Variants in PCNT observed in about 807,000 individuals in gnomAD.
PCNT encodes kendrin.
A neutral mutation model predicts 380.4 loss-of-function variants in PCNT; 319 were observed. The ratio of observed to expected loss-of-function variants is 0.84; its 90% confidence interval spans 0.77 to 0.92. PCNT has a LOEUF of 0.92. PCNT is among the 40% of genes least tolerant of loss of function. PCNT has a pLI of 0.00. For synonymous variants in PCNT, 1,845 were observed against 1,735.2 expected (o/e 1.06, Z -1.57); for missense variants, 4,400 against 4,255.3 (o/e 1.03, Z -0.95).
intron 3 of PCNT, among the ~76,000 whole-genome samples, chr21:46,338,561 ATCTT>A (rs953373862): frequency 2.0e-5 from 3 of 149,860 alleles, no homozygotes; most frequent in African/African-American, 2.4e-5. Context: ...GGTGAGGGAC[ATCTT>A]TCTTCTAGCT....
Position 46,411,414 on chromosome 21 carries a change from G to A in PCNT, c.5341G>A (p.Gly1781Arg), listed in dbSNP as rs200137805. Residue 1781 changes from glycine (G) to arginine (R), a missense_variant, in exon 28 of 47, where the codon GGG (glycine) becomes AGG (arginine). By Grantham distance (125) the Gly-to-Arg change is moderately radical. Transcript: ENST00000359568. ...LQSELLCSQAGGPRGQALQGE... is the reference protein window; with the variant it reads ...LQSELLCSQARGPRGQALQGE... ...GAGCGAGCTGCTCTGCTCCCAGGCC[G>A]GGGGCCCTCGTGGGCAGGCCCTACA... The A allele has an allele frequency of 1.2e-4, 188 of 1,613,040 alleles. 1 individual carries two copies. The East Asian group carries it at 2.2e-3, about 19-fold the overall frequency.
Position 46,403,994 on chromosome 21 carries a change from C to T in PCNT, c.5115+1511C>T, listed in dbSNP as rs34662339. Among the ~76,000 whole-genome samples, 471 of 111,608 alleles carry T rather than the reference C, an allele frequency of 4.2e-3. 3 individuals carry two copies. Among genetic ancestry groups the T allele is most frequent in the African/African-American group, 9.8e-3 (308 of 31,434 alleles). 73.2% of individuals were successfully genotyped at this position (111,608 alleles called of 152,430 possible). A position where few individuals can be genotyped will look rare whatever the true frequency, so the allele number is the denominator to read the frequency against. On this transcript the variant is annotated intron_variant, in intron 27 of 46. Coordinates refer to ENST00000359568, the MANE Select transcript of PCNT (RefSeq NM_006031.6). ...GTGTGGTGCCCACGCGGCGCGTGCT[C>T]GGTGAATGAACACAGCGTGGGAGAA... is the stretch of plus-strand genomic sequence containing the variant.
Position 46,444,769 on chromosome 21 carries a change from G to C in PCNT, c.9915G>C (p.Glu3305Asp). Reference sequence around the variant, plus strand: ...AAGATCCAGAACATTCCTTGACAGAGTATATTCACCATTTAGAAGTGATCC... The same window carrying C: ...AAGATCCAGAACATTCCTTGACAGACTATATTCACCATTTAGAAGTGATCC... ...ASQDPEHSLT[E>D]YIHHLEVIQQ... The change falls in exon 46 of 47, where the codon GAG becomes GAC. Residue 3305 changes from glutamate to aspartate, a missense_variant. Physicochemically the swap from Glu to Asp is conservative, Grantham distance 45. Coordinates refer to ENST00000359568, the MANE Select transcript of PCNT (RefSeq NM_006031.6). 6.2e-7 allele frequency: 1 copy of C among 1,612,970 alleles called. No individual in the cohort carries two copies. The highest frequency in any genetic ancestry group is 8.5e-7 in the Non-Finnish European group (1 of 1,179,232).
chr21:46,327,317 C>G (rs2083425689), intron 2 of PCNT, among the ~76,000 whole-genome samples: 2 of 152,122 alleles, frequency 1.3e-5, no homozygotes, highest in South Asian at 4.1e-4. Flanking sequence ...CCTCGGCCTC[C>G]CAAAGTGCTG....
rs1237055060 is a variant in PCNT at position 46,346,776 on chromosome 21, C to T, written c.754C>T (p.Leu252=). ...TGGCCTTGAGCTGGAGGCGCTGCGC[C>T]TGAGTCTGAGCAACATGCACACGGC... The part of the protein sequence containing the change: ...VHGLELEALR[L]SLSNMHTAQL... The change falls in exon 5 of 47, where the codon CTG becomes TTG. Residue 252 remains leucine (L), a synonymous_variant. Transcript: ENST00000359568. 1.3e-6 allele frequency: 2 copies of T among 1,598,632 alleles called. No homozygotes were observed. The highest frequency in any genetic ancestry group is 1.3e-5 in the African/African-American group (1 of 74,940).
chr21:46,426,218 G>C (rs1199052054), intron 33 of PCNT, among the ~76,000 whole-genome samples: 8 of 151,834 alleles, frequency 5.3e-5, no homozygotes, highest in African/African-American at 1.9e-4. Flanking sequence ...ATTTTTAGTA[G>C]AGACGGGCTT....
At chr21:46,366,176 C>T (rs534451842) in intron 14 of PCNT, among the ~76,000 whole-genome samples, 1 of 152,234 alleles carries the variant, frequency 6.6e-6, no homozygotes, top group Non-Finnish European at 1.5e-5. Flanking sequence ...GGCAGTGCCC[C>T]TTCCCTGTTG....
intron 15 of PCNT, among the ~76,000 whole-genome samples, chr21:46,375,651 C>T (rs542088375): frequency 3.9e-5 from 6 of 152,260 alleles, no homozygotes; most frequent in South Asian, 4.1e-4. Context: ...CGCTTCTGCT[C>T]GACATTGTGG....
At chr21:46,390,895 T>C in intron 20 of PCNT, 63 bp downstream of exon 20, 8 of 1,539,454 alleles carry the variant, frequency 5.2e-6, no homozygotes, top group Non-Finnish European at 7.1e-6. Flanking sequence ...CTGGCCTCAC[T>C]GAGGGAAGGA....
Position 46,399,806 on chromosome 21 carries a change from C to A in PCNT, c.4791+10C>A. ...GAAAGGGCTGGAACAGGTAAAGCGT[C>A]TCCATGTTGTGGTTGGGCACGTGGT... On this transcript the variant is annotated intron_variant, in intron 25 of 46. Transcript: ENST00000359568. The A allele has an allele frequency of 6.2e-7, 1 of 1,612,864 alleles. No homozygotes were observed. The highest frequency in any genetic ancestry group is 1.1e-5 in the South Asian group (1 of 91,034).
chr21:46,371,170 AAAAG>A (rs1388486840), intron 15 of PCNT, among the ~76,000 whole-genome samples: 15 of 151,760 alleles, frequency 9.9e-5, no homozygotes, highest in Non-Finnish European at 1.8e-4. Flanking sequence ...CTGCAGGAAA[AAAAG>A]AAAGAAATCT....
At chr21:46,398,295 C>T (rs765098469) in intron 24 of PCNT, 40 bp downstream of exon 24, 139 of 1,576,336 alleles carry the variant, frequency 8.8e-5, no homozygotes, top group Admixed American at 1.1e-4. Context: ...CCTGCGCTGG[C>T]GCCCAGGCTC....
intron 1 of PCNT, among the ~76,000 whole-genome samples, chr21:46,325,800 C>T (rs543929153): frequency 6.6e-6 from 1 of 152,312 alleles, no homozygotes; most frequent in Admixed American, 6.5e-5. Context: ...TAGGCTGTGC[C>T]TTCTGATGGG....
chr21:46,416,867 G>A (rs1327849489), intron 30 of PCNT, 28 bp downstream of exon 30: 3 of 1,595,482 alleles, frequency 1.9e-6, no homozygotes, highest in Admixed American at 1.7e-5. Flanking sequence ...TCCCAGGCCT[G>A]CTGTTCCCGT....
At chr21:46,325,174 C>G in intron 1 of PCNT, 1 of 985,756 alleles carries the variant, frequency 1.0e-6, no homozygotes, top group Non-Finnish European at 1.2e-6. Context: ...CCCGAAAGCG[C>G]GAGGCGGAAC....
chr21:46,353,522 A>T (rs2084351703), intron 10 of PCNT, among the ~76,000 whole-genome samples, 196 bp downstream of exon 10: 1 of 151,892 alleles, frequency 6.6e-6, no homozygotes, highest in Non-Finnish European at 1.5e-5. Context: ...TGTGCGAGCC[A>T]TTGGTGGCCA....
In PCNT at chr21:46,385,833, T is replaced by C. The variant is rs1446767101; in HGVS notation, c.3314T>C (p.Leu1105Pro). The C allele has an allele frequency of 3.1e-6, 5 of 1,614,108 alleles. No homozygotes were observed. Among genetic ancestry groups the C allele is most frequent in the Non-Finnish European group, 4.2e-6 (5 of 1,180,030 alleles). ...LQKKNHQVQQ[L>P]KDQVLSLSHE... is the part of the protein sequence containing the mutation. ...AGCTTTAACCATTTTTCTCGATAGC[T>C]GAAAGACCAGGTTTTATCCTTAAGT... Residue 1105 changes from leucine to proline, a missense_variant and splice_region_variant, in exon 17 of 47, where the codon CTG becomes CCG. Coordinates refer to ENST00000359568, the MANE Select transcript of PCNT (RefSeq NM_006031.6).
chr21:46,442,563 C>T lies in PCNT; in HGVS notation c.9690C>T (p.Ala3230=). Residue 3230 remains alanine, a synonymous_variant, in exon 44 of 47, where the codon GCC becomes GCT. Transcript: ENST00000359568. ...DRKGALAQGK[A]PRPGPRARQP... ...AAGGAGCTCTGGCACAAGGCAAAGC[C>T]CCTCGCCCAGGTGGGACTCCAGCTG... 4 of 1,608,016 alleles carry T rather than the reference C, an allele frequency of 2.5e-6. No individual in the cohort carries two copies. The highest frequency in any genetic ancestry group is 3.4e-6 in the Non-Finnish European group (4 of 1,174,606).
At chr21:46,439,153 C>G (rs1463991233) in intron 41 of PCNT, among the ~76,000 whole-genome samples, 1 of 151,750 alleles carries the variant, frequency 6.6e-6, no homozygotes, top group African/African-American at 2.4e-5. Context: ...TAGTGTCATA[C>G]AAGTTCACAC....
Sources: gnomAD v4.1 joint callset for allele counts (sites outside exome capture counted in the v4.1 genomes callset) on GRCh38, gnomAD v4.1.1 for gene constraint, MANE v1.5 for transcripts, NCBI Gene and HGNC (gene_info 2026-07-23, HGNC 2026-07-21) for gene names.